Variants in MBIP observed in about 807,000 individuals in gnomAD.
MBIP encodes the protein MAP3K12-binding inhibitory protein 1.
In MBIP, 32 loss-of-function variants were observed where a neutral mutation model predicts 45.7. The observed-to-expected ratio is 0.70, with a 90% CI of 0.53 to 0.94. The LOEUF (loss-of-function observed/expected upper bound fraction) is 0.94. Ranked by LOEUF, MBIP falls within the 40% of genes least tolerant of loss-of-function variation. The pLI, the probability that MBIP is intolerant of heterozygous loss-of-function variation, is 0.00. For synonymous variants in MBIP, 145 were observed against 141.0 expected (o/e 1.03, Z -0.20); for missense variants, 381 against 405.5 (o/e 0.94, Z 0.52).
At chr14:36,319,291 T>G (rs1240271635) in intron 1 of MBIP, among the ~76,000 whole-genome samples, 3 of 152,170 alleles carry the variant, frequency 2.0e-5, no homozygotes, top group African/African-American at 7.2e-5. Context: ...CATTTAAACG[T>G]CTTGGGTCTT....
chr14:36,313,368 G>C (rs1880332429), intron 4 of MBIP: 1 of 152,102 alleles, frequency 6.6e-6, no homozygotes, highest in South Asian at 2.1e-4. Context: ...GCACTGTTTT[G>C]AGCCAGCAAA....
At chr14:36,311,746 G>A in intron 5 of MBIP, 21 bp from the exon 6 acceptor site, 2 of 1,568,874 alleles carry the variant, frequency 1.3e-6, no homozygotes, top group Non-Finnish European at 1.7e-6. Flanking sequence ...AAACTTTTGA[G>A]CCTATATACA....
chr14:36,319,811 T>C (rs1234435141), intron 1 of MBIP: 1 of 181,490 alleles, frequency 5.5e-6, no homozygotes, highest in Non-Finnish European at 1.2e-5. Context: ...AAAACCAATT[T>C]TACTATGACA....
intron 6 of MBIP, 29 bp from the exon 7 acceptor site, chr14:36,308,218 A>G (rs1315782994): frequency 9.3e-7 from 1 of 1,075,282 alleles, no homozygotes; most frequent in East Asian, 2.4e-5. Flanking sequence ...AATCTGAGAT[A>G]CTATTGAATA....
At chr14:36,312,319 G>T (rs543031809) in intron 4 of MBIP, among the ~76,000 whole-genome samples, 19 of 152,056 alleles carry the variant, frequency 1.2e-4, no homozygotes, top group Middle Eastern at 3.4e-3. Flanking sequence ...CACTATTTGG[G>T]CCACTGGAGA....
In MBIP at chr14:36,316,737, C is replaced by T; in HGVS notation, c.205G>A (p.Ala69Thr). Residue 69 changes from alanine (A) to threonine (T), a missense_variant, in exon 2 of 9, where the codon GCA (alanine) becomes ACA (threonine). Transcript: ENST00000416007. ...KLQSLSAFQP[A>T]LLFSALEQHI... ...TGTTCAAGTGCACTAAAGAGCAATG[C>T]AGGCTGGAATGCCGAGAGGCTCTGG... 1.2e-6 allele frequency: 2 copies of T among 1,612,838 alleles called. No individual in the cohort carries two copies. The highest frequency in any genetic ancestry group is 1.7e-6 in the Non-Finnish European group (2 of 1,179,212).
intron 1 of MBIP, among the ~76,000 whole-genome samples, chr14:36,317,356 AAAGTC>A (rs1880634895): frequency 1.3e-5 from 2 of 152,206 alleles, no homozygotes. Context: ...AACTAATTTA[AAAGTC>A]AAGATTATTC....
rs4900833 is a variant in MBIP, at chr14:36,299,070, T to C, written c.*13A>G. 0.93 allele frequency: 1,488,024 copies of C among 1,593,916 alleles called. 698,449 individuals carry two copies. Among genetic ancestry groups the C allele is most frequent in the East Asian group, 0.96 (43,085 of 44,720 alleles). On this transcript the variant is annotated 3_prime_UTR_variant, in exon 9 of 9. Coordinates refer to ENST00000416007, the MANE Select transcript of MBIP (RefSeq NM_016586.3). Reference sequence around the variant, plus strand: ...ATACAAAAAAGTAAAATGACAAGGATGAGAGGAGTTTTTCATGGAAGGTGG... The same window carrying C: ...ATACAAAAAAGTAAAATGACAAGGACGAGAGGAGTTTTTCATGGAAGGTGG...
chr14:36,319,468 A>G, intron 1 of MBIP: 2 of 304,388 alleles, frequency 6.6e-6, no homozygotes, highest in South Asian at 2.9e-5. Context: ...TGTAAGACAC[A>G]ACATACTACG....
chr14:36,316,616 T>C (rs1880584904), intron 2 of MBIP, 77 bp downstream of exon 2: 2 of 1,348,436 alleles, frequency 1.5e-6, no homozygotes, highest in Non-Finnish European at 2.1e-6. Context: ...TTTAGAACTG[T>C]CAAATACTCC....
intron 1 of MBIP, among the ~76,000 whole-genome samples, chr14:36,318,677 A>C (rs1880714408): frequency 6.6e-6 from 1 of 152,010 alleles, no homozygotes; most frequent in Non-Finnish European, 1.5e-5. Context: ...AAAATTAGTA[A>C]ATTTTGTGAT....
At chr14:36,307,612 T>C (rs1879958328) in intron 7 of MBIP, among the ~76,000 whole-genome samples, 1 of 152,186 alleles carries the variant, frequency 6.6e-6, no homozygotes, top group African/African-American at 2.4e-5. Context: ...TACAAAAACA[T>C]AGAAAGTCTG....
intron 1 of MBIP, among the ~76,000 whole-genome samples, chr14:36,320,108 G>GT (rs1367034571): frequency 6.6e-6 from 1 of 151,926 alleles, no homozygotes; most frequent in Non-Finnish European, 1.5e-5. Context: ...CCCATAAAGA[G>GT]TAAGTTGGAG....
chr14:36,316,350 C>T (rs531798885), intron 2 of MBIP, among the ~76,000 whole-genome samples: 1 of 152,202 alleles, frequency 6.6e-6, no homozygotes, highest in South Asian at 2.1e-4. Flanking sequence ...CAAACTCACC[C>T]AAGGCATGGA....
Position 36,299,066 on chromosome 14 carries a change from A to G in MBIP, c.*17T>C, listed in dbSNP as rs200795735. ...ATGTATACAAAAAAGTAAAATGACA[A>G]GGATGAGAGGAGTTTTTCATGGAAG... On this transcript the variant is annotated 3_prime_UTR_variant, in exon 9 of 9. Transcript: ENST00000416007. 1.3e-5 allele frequency: 21 copies of G among 1,584,624 alleles called. No homozygotes were observed. The Admixed American group carries it at 1.8e-4, about 14-fold the overall frequency.
chr14:36,316,816 C>T lies in MBIP; in HGVS notation c.130-4G>A, dbSNP rs552402903. On this transcript the variant is annotated splice_polypyrimidine_tract_variant and splice_region_variant and intron_variant, in intron 1 of 8. Transcript: ENST00000416007. ...CCACATCATCTCTGAGGTCAAGCTT[C>T]AAAGGGGCAAACCAGCAACATCACA... 5.0e-6 allele frequency: 8 copies of T among 1,602,162 alleles called. No individual in the cohort carries two copies. Among genetic ancestry groups the T allele is most frequent in the Non-Finnish European group, 6.0e-6 (7 of 1,175,814 alleles).
chr14:36,319,014 A>G (rs1594526703), intron 1 of MBIP, among the ~76,000 whole-genome samples: 1 of 152,132 alleles, frequency 6.6e-6, no homozygotes, highest in African/African-American at 2.4e-5. Flanking sequence ...CCAAATATTT[A>G]CTGTGAACAT....
At chr14:36,308,671 T>A (rs1291325170) in intron 6 of MBIP, among the ~76,000 whole-genome samples, 1 of 152,168 alleles carries the variant, frequency 6.6e-6, no homozygotes, top group Non-Finnish European at 1.5e-5. Flanking sequence ...AATTCTAAAC[T>A]AACAAACTTT....
chr14:36,314,387 A>T (rs1261337070), intron 4 of MBIP, 125 bp downstream of exon 4: 1 of 641,064 alleles, frequency 1.6e-6, no homozygotes, highest in Non-Finnish European at 2.6e-6. Flanking sequence ...TTAATTACTA[A>T]CTAAATCCAT....
Sources: allele counts gnomAD v4.1 joint callset (sites outside exome capture counted in the v4.1 genomes callset), GRCh38; gene constraint gnomAD v4.1.1; transcripts MANE v1.5; gene names NCBI Gene and HGNC (gene_info 2026-07-23, HGNC 2026-07-21).